MAEA: variants seen among roughly 807,000 people sequenced by gnomAD.
MAEA encodes macrophage erythroblast attacher, E3 ubiquitin ligase.
A neutral mutation model predicts 46.2 loss-of-function variants in MAEA; 22 were observed. The ratio of observed to expected loss-of-function variants is 0.48; its 90% CI spans 0.34 to 0.68. The LOEUF (loss-of-function observed/expected upper bound fraction) is 0.68, where lower values mean the gene tolerates loss of function less well. MAEA is among the 30% of genes least tolerant of loss of function. The pLI, the probability that MAEA is intolerant of heterozygous loss-of-function variation, is 0.01. For synonymous variants in MAEA, 246 were observed against 222.6 expected, an observed-to-expected ratio of 1.11 and a Z score of -0.94; for missense variants, 393 against 558.1, an observed-to-expected ratio of 0.70 and a Z score of 2.98.
At chr4:1,301,060 T>C (rs1286397861) in intron 1 of MAEA, among the ~76,000 whole-genome samples, 2 of 152,184 alleles carry the variant, frequency 1.3e-5, no homozygotes, top group African/African-American at 4.8e-5. Flanking sequence ...ATGAGCTTCG[T>C]GATCAATATT....
chr4:1,336,086 C>T (rs1039912797), intron 6 of MAEA, among the ~76,000 whole-genome samples: 2 of 151,864 alleles, frequency 1.3e-5, no homozygotes, highest in Non-Finnish European at 2.9e-5. Flanking sequence ...AGCACCTGCC[C>T]TGCAGTGTGT....
At chr4:1,338,945 GC>G in intron 8 of MAEA, 128 bp from the exon 9 acceptor site, 1 of 784,248 alleles carries the variant, frequency 1.3e-6, no homozygotes, top group Non-Finnish European at 2.2e-6. Context: ...TGGCAGGTGT[GC>G]CTTCGGGAAG....
chr4:1,334,391 A>G (rs1712470775), intron 6 of MAEA, among the ~76,000 whole-genome samples: 1 of 149,564 alleles, frequency 6.7e-6, no homozygotes, highest in African/African-American at 2.5e-5. Flanking sequence ...GCTCAGCCTG[A>G]ATTCTCCTGG....
At chr4:1,335,143 GGACA>G (rs1194469349) in intron 6 of MAEA, 2 of 985,256 alleles carry the variant, frequency 2.0e-6, no homozygotes, top group Admixed American at 1.2e-4. Context: ...GGTTATTTAG[GGACA>G]GACATTCATC....
chr4:1,297,440 A>T (rs543609255), intron 1 of MAEA, among the ~76,000 whole-genome samples: 24 of 119,798 alleles, frequency 2.0e-4, no homozygotes, highest in Admixed American at 1.9e-3. Flanking sequence ...GCTTTGGAGG[A>T]GCCTGAAAAA....
At chr4:1,335,440 G>T (rs1314380409) in intron 6 of MAEA, 1 of 985,360 alleles carries the variant, frequency 1.0e-6, no homozygotes, top group South Asian at 4.7e-5. Context: ...TGGCCCCACA[G>T]TGTGTTGAAA....
At chr4:1,338,248 C>T (rs775772497) in intron 7 of MAEA, 174 bp from the exon 8 acceptor site, 1 of 544,464 alleles carries the variant, frequency 1.8e-6, no homozygotes, top group Admixed American at 3.2e-5. Context: ...CTCAGTGGGG[C>T]TGTTTAGCTG....
chr4:1,335,686 C>T (rs1334826134), intron 6 of MAEA: 5 of 943,210 alleles, frequency 5.3e-6, no homozygotes, highest in South Asian at 1.0e-4. Context: ...GGCCCCATGG[C>T]GTGTTGAAAC....
intron 6 of MAEA, among the ~76,000 whole-genome samples, chr4:1,333,079 G>A (rs971786612): frequency 3.3e-5 from 5 of 151,832 alleles, no homozygotes; most frequent in African/African-American, 1.2e-4. Context: ...CTCACCCCTG[G>A]AATCCCAGCA....
At chr4:1,316,294 C>T (rs554136638) in intron 3 of MAEA, among the ~76,000 whole-genome samples, 46 of 152,280 alleles carry the variant, frequency 3.0e-4, no homozygotes, top group African/African-American at 9.1e-4. Flanking sequence ...TTAGCTGGGG[C>T]GGCCTCTCTG....
intron 2 of MAEA, among the ~76,000 whole-genome samples, chr4:1,313,272 T>A (rs1042759640): frequency 6.6e-6 from 1 of 152,148 alleles, no homozygotes; most frequent in Admixed American, 6.5e-5. Context: ...GATTCTTAGA[T>A]TCTCAGTTTT....
chr4:1,322,506 G>A lies in MAEA; in HGVS notation c.579+3G>A, dbSNP rs369660401. The A allele has an allele frequency of 3.7e-6, 6 of 1,613,312 alleles. No homozygotes were observed. Among genetic ancestry groups the A allele is most frequent in the Non-Finnish European group, 5.1e-6 (6 of 1,179,828 alleles). ...AGTCCCGGCTCCGGAAGATGAAGGTGCACGGACTCCCAGGTTGGGGTGGGA... is the reference window on the plus strand; with the variant it reads ...AGTCCCGGCTCCGGAAGATGAAGGTACACGGACTCCCAGGTTGGGGTGGGA... On this transcript the variant is annotated splice_donor_region_variant and intron_variant, in intron 4 of 8. Coordinates refer to ENST00000303400, the MANE Select transcript of MAEA (RefSeq NM_001017405.3).
chr4:1,321,830 C>T (rs867361425), intron 3 of MAEA, among the ~76,000 whole-genome samples: 159 of 151,324 alleles, frequency 1.1e-3, no homozygotes, highest in African/African-American at 3.7e-3. Context: ...CGGCCACTAG[C>T]GGAGACTTGA....
intron 3 of MAEA, among the ~76,000 whole-genome samples, chr4:1,318,146 C>T (rs1308698086): frequency 6.6e-6 from 1 of 152,112 alleles, no homozygotes. Flanking sequence ...CTCCGTGCTG[C>T]CCACATGTCC....
intron 6 of MAEA, 83 bp downstream of exon 6, chr4:1,332,948 T>A: frequency 9.4e-7 from 1 of 1,067,452 alleles, no homozygotes; most frequent in Non-Finnish European, 1.4e-6. Flanking sequence ...CTTCCACACG[T>A]GGGGCGGGAC....
At chr4:1,334,321 T>C (rs1386291264) in intron 6 of MAEA, among the ~76,000 whole-genome samples, 3 of 152,016 alleles carry the variant, frequency 2.0e-5, no homozygotes, top group Admixed American at 6.6e-5. Context: ...CCTGCCACCC[T>C]GTAGGGACTG....
At chr4:1,291,100 C>G (rs2141654) in intron 1 of MAEA, among the ~76,000 whole-genome samples, 111,398 of 152,134 alleles carry the variant, frequency 0.73, 42,015 homozygotes, top group African/African-American at 0.92. Flanking sequence ...CTGTACCCTG[C>G]TGTAGCTGGT....
chr4:1,338,276 T>C (rs1713063602), intron 7 of MAEA, 146 bp from the exon 8 acceptor site: 1 of 607,712 alleles, frequency 1.6e-6, no homozygotes, highest in South Asian at 2.2e-5. Flanking sequence ...CAGCACTTCC[T>C]GTGCCTCGAA....
At chr4:1,333,916 T>C (rs1174560842) in intron 6 of MAEA, among the ~76,000 whole-genome samples, 3 of 24,024 alleles carry the variant, frequency 1.2e-4, no homozygotes, top group East Asian at 3.3e-3. Flanking sequence ...CCACCTGTGC[T>C]CACCCCCATG....
Sources: gnomAD v4.1 joint callset for allele counts (sites outside exome capture counted in the v4.1 genomes callset) on GRCh38, gnomAD v4.1.1 for gene constraint, MANE v1.5 for transcripts, NCBI Gene and HGNC (gene_info 2026-07-23, HGNC 2026-07-21) for gene names.